Variants in CDH4 observed in about 807,000 individuals in gnomAD.
CDH4 encodes the protein cadherin-4.
Under a neutral mutation model 86.0 loss-of-function variants are expected in CDH4, and 33 were observed. The observed-to-expected ratio is 0.38, with a 90% confidence interval of 0.29 to 0.51. The LOEUF is 0.51. Among genes scored for constraint, CDH4 ranks in the 20% least tolerant of loss-of-function variants. The pLI is 0.86. For synonymous variants in CDH4, 555 were observed against 549.4 expected (o/e 1.01, Z -0.14); for missense variants, 1,114 against 1,307.4 (o/e 0.85, Z 2.28).
chr20:61,807,597 G>A lies in CDH4; in HGVS notation c.576+34415G>A, dbSNP rs1267722840. 6.6e-6 allele frequency among the ~76,000 whole-genome samples: 1 copy of A among 152,186 alleles called. No homozygotes were observed. Among genetic ancestry groups the A allele is most frequent in the Non-Finnish European group, 1.5e-5 (1 of 68,024 alleles). ...ACCAAGGGCAGGTGTTCCGTGCAGG[G>A]CTGGTTGGTGTGAGGCCAGCCACAG... is the stretch of plus-strand genomic sequence containing the variant. On this transcript the variant is annotated intron_variant, in intron 4 of 15. Coordinates refer to ENST00000614565, the MANE Select transcript of CDH4 (RefSeq NM_001794.5). The surrounding 1 kb of genome is among the most constrained non-coding windows in gnomAD (Gnocchi z 4.5).
chr20:61,428,857 C>T (rs948273951), intron 2 of CDH4, among the ~76,000 whole-genome samples: 5 of 152,218 alleles, frequency 3.3e-5, no homozygotes, highest in Middle Eastern at 3.4e-3. Context: ...CGAGAGCAGG[C>T]GAGCTTTCCA....
chr20:61,870,092 G>A (rs1286443851), intron 6 of CDH4, among the ~76,000 whole-genome samples: 1 of 152,234 alleles, frequency 6.6e-6, no homozygotes, highest in Non-Finnish European at 1.5e-5. Flanking sequence ...GTAACCCTGA[G>A]GTGCTGGGAG....
intron 2 of CDH4, among the ~76,000 whole-genome samples, chr20:61,593,888 C>A (rs978167584): frequency 1.3e-5 from 2 of 151,280 alleles, no homozygotes; most frequent in Non-Finnish European, 2.9e-5. Context: ...CAGAACCCAG[C>A]ACCTCCCGGG....
intron 2 of CDH4, among the ~76,000 whole-genome samples, chr20:61,521,977 A>G (rs184284756): frequency 9.8e-5 from 15 of 152,286 alleles, no homozygotes; most frequent in Middle Eastern, 3.4e-3. Flanking sequence ...TAACTGGTTG[A>G]AGGTCCGCTT....
intron 2 of CDH4, among the ~76,000 whole-genome samples, chr20:61,489,617 C>T (rs886888626): frequency 6.6e-6 from 1 of 152,252 alleles, no homozygotes; most frequent in African/African-American, 2.4e-5. Flanking sequence ...GTTGAACCCT[C>T]AGCCAGGGTT....
At chr20:61,633,414 C>A (rs1171513439) in intron 2 of CDH4, among the ~76,000 whole-genome samples, 1 of 152,140 alleles carries the variant, frequency 6.6e-6, no homozygotes, top group African/African-American at 2.4e-5. Flanking sequence ...CCCACTCATG[C>A]ATCCAAACAT....
At chr20:61,897,266 C>T (rs1287243047) in intron 8 of CDH4, among the ~76,000 whole-genome samples, 1 of 152,030 alleles carries the variant, frequency 6.6e-6, no homozygotes, top group African/African-American at 2.4e-5. Flanking sequence ...CATTGCAAGC[C>T]CTACCCCTCG....
intron 2 of CDH4, among the ~76,000 whole-genome samples, chr20:61,575,733 T>G (rs1434839618): frequency 6.6e-6 from 1 of 152,244 alleles, no homozygotes; most frequent in Non-Finnish European, 1.5e-5. Context: ...AGTAGTGACC[T>G]TACCCAACCT....
intron 6 of CDH4, among the ~76,000 whole-genome samples, chr20:61,857,824 C>T (rs749505161): frequency 5.2e-4 from 79 of 152,258 alleles, no homozygotes; most frequent in Admixed American, 9.8e-4. Context: ...AACTGACCTT[C>T]GTACCGGCCA....
At chr20:61,608,199 C>G (rs116870199) in intron 2 of CDH4, among the ~76,000 whole-genome samples, 1 of 152,242 alleles carries the variant, frequency 6.6e-6, no homozygotes, top group South Asian at 2.1e-4. Context: ...CTTGTCATAA[C>G]GCTTGATTAA....
At position 61,623,091 on chromosome 20, in the gene CDH4, T is replaced by A. The variant is rs2145777365; in HGVS notation, c.170-120472T>A. On this transcript the variant is annotated intron_variant, in intron 2 of 15. Coordinates refer to ENST00000614565, the MANE Select transcript of CDH4 (RefSeq NM_001794.5). The surrounding 1 kb of genome is among the most constrained non-coding windows in gnomAD (Gnocchi z 4.4). The stretch of plus-strand genomic sequence containing the variant: ...AGAGGCAAAGCTTCATTTAAAATAA[T>A]GACATAAGACGTGTGGGTTGGAGAT... 6.6e-6 allele frequency among the ~76,000 whole-genome samples: 1 copy of A among 152,280 alleles called. No homozygotes were observed. The highest frequency in any genetic ancestry group is 2.4e-5 in the African/African-American group (1 of 41,550).
chr20:61,852,921 G>A, intron 6 of CDH4, 23 bp downstream of exon 6: 2 of 1,612,734 alleles, frequency 1.2e-6, no homozygotes, highest in South Asian at 2.2e-5. Flanking sequence ...GCGTTTGCTT[G>A]CTGGAGACCC....
At chr20:61,602,942 C>A (rs531967791) in intron 2 of CDH4, among the ~76,000 whole-genome samples, 20 of 152,332 alleles carry the variant, frequency 1.3e-4, no homozygotes, top group African/African-American at 4.3e-4. Context: ...GCACCTGAGG[C>A]CCCCTCCCTG....
chr20:61,873,674 G>A, intron 6 of CDH4, 54 bp from the exon 7 acceptor site: 1 of 1,576,468 alleles, frequency 6.3e-7, no homozygotes, highest in East Asian at 2.2e-5. Context: ...TGTGTGCGGG[G>A]GTGGCAGCCT....
At chr20:61,792,895 C>T (rs139851135) in intron 4 of CDH4, among the ~76,000 whole-genome samples, 3,004 of 152,230 alleles carry the variant, frequency 0.02, 37 homozygotes, top group Non-Finnish European at 0.03. Flanking sequence ...GTGATCCACC[C>T]GCCTCGGCCT....
At position 61,572,284 on chromosome 20, in the gene CDH4, A is replaced by G. The variant is rs1039446060; in HGVS notation, c.170-171279A>G. Among the ~76,000 whole-genome samples, 4 of 152,202 alleles carry G rather than the reference A, an allele frequency of 2.6e-5. No individual in the cohort carries two copies. In the South Asian group the frequency reaches 6.2e-4, roughly 24 times the overall value. On this transcript the variant is annotated intron_variant, in intron 2 of 15. Coordinates refer to ENST00000614565, the MANE Select transcript of CDH4 (RefSeq NM_001794.5). ...TAGACTAATCATAGATAGATAATAC[A>G]TGATGTTATATGTGTTATATCTAAA...
At chr20:61,777,594 G>A (rs2145992690) in intron 4 of CDH4, among the ~76,000 whole-genome samples, 1 of 151,396 alleles carries the variant, frequency 6.6e-6, no homozygotes, top group African/African-American at 2.4e-5. Context: ...CAGTGCATGT[G>A]CACACACATC....
rs7346089 is a variant in CDH4 at position 61,684,908 on chromosome 20, T to A, written c.170-58655T>A. Among the ~76,000 whole-genome samples the A allele has an allele frequency of 0.046, 6,968 of 152,278 alleles. 302 individuals carry two copies. Among genetic ancestry groups the A allele is most frequent in the African/African-American group, 0.1 (4,259 of 41,530 alleles). ...AACCACGTTATTAAGATATAAAAAC[T>A]TACCGTGAAATTCCCCTGTTTAAAG... On this transcript the variant is annotated intron_variant, in intron 2 of 15. Coordinates refer to ENST00000614565, the MANE Select transcript of CDH4 (RefSeq NM_001794.5). This position sits in a 1 kb window ranked among gnomAD's most constrained non-coding sequence, Gnocchi z 4.5.
At chr20:61,697,987 G>A (rs560582917) in intron 2 of CDH4, among the ~76,000 whole-genome samples, 39 of 152,374 alleles carry the variant, frequency 2.6e-4, no homozygotes, top group Non-Finnish European at 2.4e-4. Context: ...GGAGAAGAGG[G>A]TTCTGGCCTG....
Sources: gnomAD v4.1 joint callset for allele counts (sites outside exome capture counted in the v4.1 genomes callset) on GRCh38, gnomAD v4.1.1 for gene constraint, Gnocchi (gnomAD v3.1) non-coding constraint, MANE v1.5 for transcripts, NCBI Gene and HGNC (gene_info 2026-07-23, HGNC 2026-07-21) for gene names.